Variants in TLN2 observed in about 807,000 individuals in gnomAD.
TLN2 encodes the protein talin-2.
TLN2 carries 118 observed loss-of-function variants against 294.7 expected under a neutral mutation model. The observed-to-expected ratio is 0.40, with a 90% CI of 0.34 to 0.47. The LOEUF (loss-of-function observed/expected upper bound fraction) is 0.47. TLN2 is among the 20% of genes least tolerant of loss of function. TLN2 has a pLI of 0.84. For missense variants in TLN2, 3,083 were observed against 3,282.2 expected, an observed-to-expected ratio of 0.94 and a Z score of 1.48; for synonymous variants, 1,431 against 1,304.5, an observed-to-expected ratio of 1.10 and a Z score of -2.09.
intron 52 of TLN2, among the ~76,000 whole-genome samples, chr15:62,816,221 A>G (rs995119310): frequency 1.3e-5 from 2 of 152,108 alleles, no homozygotes; most frequent in Admixed American, 6.5e-5. Context: ...CTGCTTTATG[A>G]TGTTTTAGAG....
At chr15:62,817,444 A>G (rs985750418) in intron 52 of TLN2, among the ~76,000 whole-genome samples, 2 of 152,228 alleles carry the variant, frequency 1.3e-5, no homozygotes, top group Non-Finnish European at 2.9e-5. Flanking sequence ...AGCAAATATG[A>G]AAGAAGTATA....
chr15:62,766,361 G>A lies in TLN2; in HGVS notation c.5135G>A (p.Gly1712Glu), dbSNP rs1345275868. 1 of 1,613,342 alleles carries A rather than the reference G, an allele frequency of 6.2e-7. No individual in the cohort carries two copies. The highest frequency in any genetic ancestry group is 8.5e-7 in the Non-Finnish European group (1 of 1,179,404). The change falls in exon 41 of 59, where the codon GGA (glycine) becomes GAA (glutamate). Residue 1712 changes from glycine (G) to glutamate (E), a missense_variant. Physicochemically the swap from Gly to Glu is moderately conservative, Grantham distance 98. Transcript: ENST00000636159. The stretch of plus-strand genomic sequence containing the variant: ...CTGACTTCGGTGGTCCAGGAAATCG[G>A]ACACCTTATCGATCCCATCGCCACA... ...EQLTSVVQEI[G>E]HLIDPIATAA...
intron 20 of TLN2, among the ~76,000 whole-genome samples, chr15:62,708,157 C>G (rs535290949): frequency 6.6e-6 from 1 of 152,178 alleles, no homozygotes; most frequent in East Asian, 1.9e-4. Context: ...ACTCAAAAGA[C>G]TCAATTCAAA....
chr15:62,468,315 G>A (rs1158042056), intron 1 of TLN2, among the ~76,000 whole-genome samples: 1 of 152,140 alleles, frequency 6.6e-6, no homozygotes, highest in Non-Finnish European at 1.5e-5. Context: ...GATGACAAGG[G>A]TGTTGGCTGT....
intron 50 of TLN2, among the ~76,000 whole-genome samples, chr15:62,803,209 G>A (rs1477748845): frequency 6.6e-6 from 1 of 152,042 alleles, no homozygotes; most frequent in Admixed American, 6.5e-5. Context: ...GAGCTCCATT[G>A]TGTGTTATTT....
chr15:62,805,818 A>G, intron 51 of TLN2, 33 bp downstream of exon 51: 1 of 1,598,784 alleles, frequency 6.3e-7, no homozygotes, highest in Non-Finnish European at 8.5e-7. Context: ...GGATGGACAG[A>G]TGATTCTCTG....
intron 43 of TLN2, among the ~76,000 whole-genome samples, chr15:62,778,927 C>A (rs1475264357): frequency 6.6e-6 from 1 of 152,220 alleles, no homozygotes; most frequent in Non-Finnish European, 1.5e-5. Flanking sequence ...CTGGGGACTT[C>A]AAATTAAGTG....
intron 1 of TLN2, chr15:62,476,281 A>C (rs886917508): frequency 6.6e-6 from 1 of 152,258 alleles, no homozygotes; most frequent in African/African-American, 2.4e-5. Context: ...ACCCGCTGAC[A>C]CGGCTACCTG....
intron 1 of TLN2, among the ~76,000 whole-genome samples, chr15:62,414,164 C>CAATATATATATATATATA (rs1273620699): frequency 0.022 from 1,953 of 90,496 alleles, 151 homozygotes; most frequent in East Asian, 0.044. Context: ...AAAAAAAAAA[C>CAATATATATATATATATA]TATATATATA....
intron 31 of TLN2, 85 bp from the exon 32 acceptor site, chr15:62,740,545 G>A: frequency 6.4e-7 from 1 of 1,572,266 alleles, no homozygotes. Context: ...CTGCCTGCAT[G>A]TCAGGATGCT....
chr15:62,561,931 C>T (rs894786852), intron 1 of TLN2, among the ~76,000 whole-genome samples: 6 of 152,228 alleles, frequency 3.9e-5, no homozygotes, highest in South Asian at 2.1e-4. Flanking sequence ...CTGGACTGTC[C>T]CTGAGTCTGT....
In TLN2 at chr15:62,842,007, G is replaced by C. The variant is rs1481859783; in HGVS notation, c.*1397G>C. ...TCTCTCTGGTGTGCTATCATGTCTT[G>C]GACTCCATCCACACTATAGTTTCAA... On this transcript the variant is annotated 3_prime_UTR_variant, in exon 59 of 59. Transcript: ENST00000636159. The C allele has an allele frequency of 6.7e-6, 1 of 149,958 alleles. No individual in the cohort carries two copies. Among genetic ancestry groups the C allele is most frequent in the Non-Finnish European group, 1.5e-5 (1 of 67,452 alleles). 9.3% of individuals were successfully genotyped at this position (149,958 alleles called of 1,614,324 possible).
intron 27 of TLN2, 104 bp downstream of exon 27, chr15:62,725,208 C>A (rs1382719534): frequency 6.9e-7 from 1 of 1,448,540 alleles, no homozygotes; most frequent in Non-Finnish European, 9.1e-7. Flanking sequence ...TGTTGAGAAG[C>A]TTCTAATCCT....
chr15:62,497,199 G>T (rs2140421174), intron 1 of TLN2, among the ~76,000 whole-genome samples: 1 of 152,282 alleles, frequency 6.6e-6, no homozygotes, highest in Admixed American at 6.5e-5. Context: ...GTTCGCTGAG[G>T]GAGTGGATGA....
chr15:62,647,466 C>G lies in TLN2; in HGVS notation c.136+20C>G. On this transcript the variant is annotated intron_variant, in intron 4 of 58. Transcript: ENST00000636159. ...GGCAAGGTAGGTCATGGGTTATTTA[C>G]TGGCTTCTTAAAACGTGTTTGCATG... 1.2e-6 allele frequency: 2 copies of G among 1,613,044 alleles called. No individual in the cohort carries two copies. The highest frequency in any genetic ancestry group is 1.7e-6 in the Non-Finnish European group (2 of 1,179,796).
intron 1 of TLN2, among the ~76,000 whole-genome samples, chr15:62,497,909 T>A (rs2039093286): frequency 6.6e-6 from 1 of 152,048 alleles, no homozygotes; most frequent in Admixed American, 6.6e-5. Context: ...GTTTGCTGTT[T>A]TAAAGCCAAG....
intron 54 of TLN2, chr15:62,831,536 A>G (rs932415574): frequency 3.3e-5 from 5 of 152,090 alleles, no homozygotes; most frequent in Non-Finnish European, 7.4e-5. Flanking sequence ...TGACTACACA[A>G]GAGTTCCTTT....
chr15:62,745,224 T>A (rs1382616252), intron 32 of TLN2, among the ~76,000 whole-genome samples: 1 of 152,240 alleles, frequency 6.6e-6, no homozygotes, highest in African/African-American at 2.4e-5. Context: ...AGTAGATAGA[T>A]AAGCCTAGAT....
rs113237321 is a variant in TLN2, at chr15:62,694,717, G to A, written c.1292+325G>A. On this transcript the variant is annotated intron_variant, in intron 14 of 58. Transcript: ENST00000636159. The stretch of plus-strand genomic sequence containing the variant: ...CGAATCATGATCATTGAGCCGTACC[G>A]TCAGGAGGTCAGAGGATGAGCCTCT... Among the ~76,000 whole-genome samples, 66 of 152,324 alleles carry A rather than the reference G, an allele frequency of 4.3e-4. 1 individual carries two copies. The highest frequency in any genetic ancestry group is 6.8e-3 in the Middle Eastern group (2 of 294).
Sources: gnomAD v4.1 joint callset for allele counts (sites outside exome capture counted in the v4.1 genomes callset) on GRCh38, gnomAD v4.1.1 for gene constraint, MANE v1.5 for transcripts, NCBI Gene and HGNC (gene_info 2026-07-23, HGNC 2026-07-21) for gene names.